Variants in COLEC12 observed in about 807,000 individuals in gnomAD.
COLEC12 encodes collectin subfamily member 12.
Under a neutral mutation model 71.1 loss-of-function variants are expected in COLEC12, and 33 were observed. That is an observed-to-expected ratio of 0.46 (90% confidence interval 0.35 to 0.62). The LOEUF is 0.62. COLEC12 is among the 20% of genes least tolerant of loss of function. COLEC12 has a pLI of 0.00. For missense variants in COLEC12, 765 were observed against 916.1 expected, an observed-to-expected ratio of 0.84 and a Z score of 2.13; for synonymous variants, 350 against 353.0, an observed-to-expected ratio of 0.99 and a Z score of 0.10.
intron 2 of COLEC12, among the ~76,000 whole-genome samples, chr18:370,507 C>T (rs1419837850): frequency 6.6e-6 from 1 of 152,180 alleles, no homozygotes; most frequent in Non-Finnish European, 1.5e-5. Context: ...GGAATTAGTA[C>T]CAGAATCACC....
chr18:405,286 C>T (rs962632127), intron 2 of COLEC12, among the ~76,000 whole-genome samples: 1 of 152,168 alleles, frequency 6.6e-6, no homozygotes, highest in African/African-American at 2.4e-5. Flanking sequence ...TGCTTTTGCC[C>T]TTTGTCCTGT....
At chr18:402,315 T>C (rs532534077) in intron 2 of COLEC12, among the ~76,000 whole-genome samples, 1 of 152,004 alleles carries the variant, frequency 6.6e-6, no homozygotes, top group African/African-American at 2.4e-5. Flanking sequence ...AGTCTGGTTG[T>C]GGGAGGGGAC....
chr18:490,400 A>C (rs920831789), intron 1 of COLEC12, among the ~76,000 whole-genome samples: 3 of 152,234 alleles, frequency 2.0e-5, no homozygotes, highest in Non-Finnish European at 2.9e-5. Flanking sequence ...GGTAACTGAA[A>C]GAGGTGTAAA....
At chr18:460,577 C>A (rs887165962) in intron 2 of COLEC12, among the ~76,000 whole-genome samples, 1 of 152,172 alleles carries the variant, frequency 6.6e-6, no homozygotes, top group African/African-American at 2.4e-5. Context: ...GTGTGTTTTA[C>A]AAAAGACAGT....
intron 2 of COLEC12, among the ~76,000 whole-genome samples, chr18:386,112 G>A (rs1255726189): frequency 2.0e-5 from 3 of 152,102 alleles, no homozygotes; most frequent in Non-Finnish European, 4.4e-5. Context: ...TGGGGGAGAA[G>A]GCTAGGCTTC....
At chr18:404,745 T>C (rs916472068) in intron 2 of COLEC12, among the ~76,000 whole-genome samples, 5 of 152,208 alleles carry the variant, frequency 3.3e-5, no homozygotes, top group Admixed American at 6.5e-5. Flanking sequence ...ACTGTGATAA[T>C]TGTGTTAACT....
intron 2 of COLEC12, among the ~76,000 whole-genome samples, chr18:444,702 C>T (rs1239935384): frequency 6.6e-6 from 1 of 152,086 alleles, no homozygotes; most frequent in African/African-American, 2.4e-5. Context: ...AACAAGAAAA[C>T]TAACCCCAAT....
intron 3 of COLEC12, 28 bp downstream of exon 3, chr18:357,372 T>C: frequency 1.3e-6 from 2 of 1,578,144 alleles, no homozygotes; most frequent in Non-Finnish European, 1.7e-6. Context: ...ACTTGTTATT[T>C]GGAAGAAAAA....
At position 346,833 on chromosome 18, in the gene COLEC12, C is replaced by T; in HGVS notation, c.789G>A (p.Gln263=). 1 of 1,614,192 alleles carries T rather than the reference C, an allele frequency of 6.2e-7. No individual in the cohort carries two copies. Among genetic ancestry groups the T allele is most frequent in the Non-Finnish European group, 8.5e-7 (1 of 1,180,014 alleles). ...KDTDWLKEKV[Q]SLQTLAANNS... is the part of the protein sequence containing the mutation. ...TGTTGGCAGCCAGCGTCTGCAAGCT[C>T]TGCACTTTCTCCTTCAGCCAATCCG... The change falls in exon 5 of 10, where the codon CAG becomes CAA. Residue 263 remains glutamine, a synonymous_variant. Coordinates refer to ENST00000400256, the MANE Select transcript of COLEC12 (RefSeq NM_130386.3). This position sits in a 1 kb window ranked among gnomAD's most constrained non-coding sequence, Gnocchi z 4.0.
chr18:436,537 G>A (rs907260170), intron 2 of COLEC12, among the ~76,000 whole-genome samples: 2 of 113,908 alleles, frequency 1.8e-5, no homozygotes, highest in African/African-American at 3.2e-5. Context: ...GGGGGGGGGG[G>A]GGAAACAGGG....
At chr18:457,916 T>C (rs1056333054) in intron 2 of COLEC12, among the ~76,000 whole-genome samples, 22 of 152,340 alleles carry the variant, frequency 1.4e-4, no homozygotes, top group African/African-American at 4.6e-4. Flanking sequence ...TTCCAACAGT[T>C]ACAGTAAGTT....
rs374670664 is a variant in COLEC12, at chr18:481,988, G to A, written c.8-1231C>T. Reference sequence around the variant, plus strand: ...ACATGGGTAAATTGTGGGTTGTGGGGGTTTGGTGGACAGATTCTTTCATCA... The same window carrying A: ...ACATGGGTAAATTGTGGGTTGTGGGAGTTTGGTGGACAGATTCTTTCATCA... On this transcript the variant is annotated intron_variant, in intron 1 of 9. Transcript: ENST00000400256. Among the ~76,000 whole-genome samples the A allele has an allele frequency of 3.9e-5, 6 of 152,114 alleles. 1 individual carries two copies. The highest frequency in any genetic ancestry group is 1.4e-4 in the African/African-American group (6 of 41,486).
intron 5 of COLEC12, among the ~76,000 whole-genome samples, chr18:340,650 T>TA (rs1474463087): frequency 1.3e-5 from 2 of 152,146 alleles, no homozygotes; most frequent in Non-Finnish European, 2.9e-5. Flanking sequence ...TCCAAAATCT[T>TA]AGAGACTCAA....
At chr18:344,725 A>C (rs927616675) in intron 5 of COLEC12, among the ~76,000 whole-genome samples, 1 of 152,206 alleles carries the variant, frequency 6.6e-6, no homozygotes, top group Non-Finnish European at 1.5e-5. Context: ...ATGCCTTCCC[A>C]TCAACATTTA....
At chr18:365,966 G>GCT (rs1914847234) in intron 2 of COLEC12, among the ~76,000 whole-genome samples, 1 of 152,138 alleles carries the variant, frequency 6.6e-6, no homozygotes, top group Admixed American at 6.6e-5. Context: ...TGGCTTTAGG[G>GCT]CTCGGGTTTT....
chr18:454,072 T>C (rs765757805), intron 2 of COLEC12, among the ~76,000 whole-genome samples: 6 of 152,304 alleles, frequency 3.9e-5, no homozygotes, highest in Admixed American at 6.5e-5. Context: ...ATGAAACATA[T>C]CCGTTCTCTA....
At chr18:489,350 C>T (rs569724597) in intron 1 of COLEC12, among the ~76,000 whole-genome samples, 1 of 152,270 alleles carries the variant, frequency 6.6e-6, no homozygotes, top group African/African-American at 2.4e-5. Context: ...GTACATCCCA[C>T]ACACACTTGT....
intron 3 of COLEC12, among the ~76,000 whole-genome samples, chr18:352,111 CAG>C (rs919703911): frequency 6.6e-6 from 1 of 152,172 alleles, no homozygotes; most frequent in Non-Finnish European, 1.5e-5. Flanking sequence ...ACTACATAGA[CAG>C]AGAGATGCAG....
chr18:342,164 T>C (rs654575), intron 5 of COLEC12, among the ~76,000 whole-genome samples: 102,504 of 152,168 alleles, frequency 0.67, 35,040 homozygotes, highest in East Asian at 0.97. Context: ...TTCAAGTGAT[T>C]CCCCTGCCTC....
Sources: gnomAD v4.1 joint callset for allele counts (sites outside exome capture counted in the v4.1 genomes callset) on GRCh38, gnomAD v4.1.1 for gene constraint, Gnocchi (gnomAD v3.1) non-coding constraint, MANE v1.5 for transcripts, NCBI Gene and HGNC (gene_info 2026-07-23, HGNC 2026-07-21) for gene names.